ITPK1: variants seen among roughly 807,000 people sequenced by gnomAD.
ITPK1 encodes the protein inositol-tetrakisphosphate 1-kinase.
A neutral mutation model predicts 45.3 loss-of-function variants in ITPK1; 21 were observed. The ratio of observed to expected loss-of-function variants is 0.46; its 90% CI spans 0.33 to 0.67. The LOEUF is 0.67. ITPK1 is among the 30% of genes least tolerant of loss of function. The pLI is 0.02. For synonymous variants in ITPK1, 258 were observed against 253.6 expected (o/e 1.02, Z -0.16); for missense variants, 474 against 573.5 (o/e 0.83, Z 1.77).
At chr14:93,001,380 G>C (rs908098731) in intron 4 of ITPK1, among the ~76,000 whole-genome samples, 7 of 152,250 alleles carry the variant, frequency 4.6e-5, no homozygotes, top group Middle Eastern at 3.4e-3. Flanking sequence ...TTGCTTCTCG[G>C]GACTCCAGCT....
rs549285840 is a variant in ITPK1, at chr14:92,972,817, C to T, written c.365-9968G>A. The stretch of plus-strand genomic sequence containing the variant: ...TGTTGGCCAGGCTGGTCTTGAACTC[C>T]GGACCTCAAGTGATCTGCCCGCCTC... On this transcript the variant is annotated intron_variant, in intron 5 of 10. Coordinates refer to ENST00000267615, the MANE Select transcript of ITPK1 (RefSeq NM_014216.6). Among the ~76,000 whole-genome samples, 12 of 152,304 alleles carry T rather than the reference C, an allele frequency of 7.9e-5. No homozygotes were observed. The East Asian group carries it at 1.2e-3, about 15-fold the overall frequency.
chr14:93,104,581 C>G (rs1892449495), intron 2 of ITPK1, among the ~76,000 whole-genome samples: 1 of 152,184 alleles, frequency 6.6e-6, no homozygotes, highest in African/African-American at 2.4e-5. Context: ...AGGAGTCACC[C>G]ATCCCTGAGG....
rs1465760319 is a variant in ITPK1, at chr14:93,018,830, G to T, written c.121-2029C>A. On this transcript the variant is annotated intron_variant, in intron 3 of 10. Coordinates refer to ENST00000267615, the MANE Select transcript of ITPK1 (RefSeq NM_014216.6). ...CCAGGAAGGAAAATGACCAAGCAAG[G>T]CCATGCAGGTGAAGCGGCCAGGATG... 3.9e-5 allele frequency among the ~76,000 whole-genome samples: 6 copies of T among 152,198 alleles called. No individual in the cohort carries two copies. In the East Asian group the frequency reaches 1.2e-3, roughly 29 times the overall value.
chr14:93,022,426 G>A (rs1888515809), intron 3 of ITPK1, among the ~76,000 whole-genome samples: 1 of 152,040 alleles, frequency 6.6e-6, no homozygotes, highest in Non-Finnish European at 1.5e-5. Context: ...GGGCACACTT[G>A]TAATCCCAGC....
intron 3 of ITPK1, among the ~76,000 whole-genome samples, chr14:93,053,251 C>G (rs1452835047): frequency 6.6e-6 from 1 of 152,236 alleles, no homozygotes; most frequent in East Asian, 1.9e-4. Context: ...TCAGCCCCCT[C>G]AGACCTACTG....
rs529464235 is a variant in ITPK1, at chr14:93,034,506, G to C, written c.121-17705C>G. Among the ~76,000 whole-genome samples the C allele has an allele frequency of 1.6e-3, 245 of 152,260 alleles. 1 individual carries two copies. Among genetic ancestry groups the C allele is most frequent in the African/African-American group, 5.7e-3 (237 of 41,548 alleles). On this transcript the variant is annotated intron_variant, in intron 3 of 10. Transcript: ENST00000267615. This position sits in a 1 kb window ranked among gnomAD's most constrained non-coding sequence, Gnocchi z 4.1. The stretch of plus-strand genomic sequence containing the variant: ...CTCTCCAAGAATAGAATGGGGAGGC[G>C]GGCTCCACCACAGCTGGCCCCCACT...
At chr14:93,082,661 C>T (rs1380798169) in intron 2 of ITPK1, among the ~76,000 whole-genome samples, 1 of 152,236 alleles carries the variant, frequency 6.6e-6, no homozygotes, top group Admixed American at 6.5e-5. Context: ...GCGGCACGCC[C>T]ACTCCAGGGG....
In ITPK1 at chr14:92,972,293, A is replaced by G. The variant is rs571329677; in HGVS notation, c.365-9444T>C. Among the ~76,000 whole-genome samples, 3 of 152,302 alleles carry G rather than the reference A, an allele frequency of 2.0e-5. No individual in the cohort carries two copies. The South Asian group carries it at 6.2e-4, about 32-fold the overall frequency. The stretch of plus-strand genomic sequence containing the variant: ...TGAGAACGGGACTGCACTGGGAGAT[A>G]GGGTCTTTAAAGAGGTAAAATGAAG... On this transcript the variant is annotated intron_variant, in intron 5 of 10. Transcript: ENST00000267615.
At chr14:92,968,320 ACT>A (rs1287054196) in intron 5 of ITPK1, among the ~76,000 whole-genome samples, 1 of 151,868 alleles carries the variant, frequency 6.6e-6, no homozygotes, top group Non-Finnish European at 1.5e-5. Flanking sequence ...ACAGAGCGAG[ACT>A]CTGTCTCAAA....
At chr14:93,083,406 T>C (rs1196472326) in intron 2 of ITPK1, among the ~76,000 whole-genome samples, 1 of 151,802 alleles carries the variant, frequency 6.6e-6, no homozygotes, top group Non-Finnish European at 1.5e-5. Context: ...CAGGGCAGGG[T>C]GGGGACCTGA....
chr14:93,027,798 T>C (rs1888816007), intron 3 of ITPK1, among the ~76,000 whole-genome samples: 2 of 152,108 alleles, frequency 1.3e-5, no homozygotes, highest in Non-Finnish European at 2.9e-5. Flanking sequence ...ACAACCTCAG[T>C]CTCACCCAGG....
rs530693605 is a variant in ITPK1, at chr14:92,990,361, G to A, written c.364+3519C>T. ...GCCATCACCCAGGACCAGATGGGCA[G>A]ACCACAGAAGAATAAGGAGCTAGAA... On this transcript the variant is annotated intron_variant, in intron 5 of 10. Transcript: ENST00000267615. Among the ~76,000 whole-genome samples the A allele has an allele frequency of 2.0e-5, 3 of 150,442 alleles. No individual in the cohort carries two copies. The Admixed American group carries it at 2.0e-4, about 10-fold the overall frequency.
intron 3 of ITPK1, among the ~76,000 whole-genome samples, chr14:93,042,107 G>A (rs1285724501): frequency 3.3e-5 from 5 of 152,170 alleles, no homozygotes; most frequent in Non-Finnish European, 7.4e-5. Flanking sequence ...ACCCACTGCA[G>A]GAGGTACAAA....
intron 5 of ITPK1, among the ~76,000 whole-genome samples, chr14:92,969,129 A>G (rs991254761): frequency 1.3e-5 from 2 of 152,114 alleles, no homozygotes; most frequent in African/African-American, 4.8e-5. Context: ...TGTTCCAATA[A>G]CCATTCACCA....
rs1031450937 is a variant in ITPK1, at chr14:93,032,510, A to C, written c.121-15709T>G. On this transcript the variant is annotated intron_variant, in intron 3 of 10. Coordinates refer to ENST00000267615, the MANE Select transcript of ITPK1 (RefSeq NM_014216.6). This position sits in a 1 kb window ranked among gnomAD's most constrained non-coding sequence, Gnocchi z 4.0. ...ACTTCTCAGATACTTTAATATGTTC[A>C]CTTGCACAGAGATTTGCAGAGAGGA... 6.6e-6 allele frequency among the ~76,000 whole-genome samples: 1 copy of C among 152,214 alleles called. No individual in the cohort carries two copies. The highest frequency in any genetic ancestry group is 1.5e-5 in the Non-Finnish European group (1 of 68,034).
In ITPK1 at chr14:92,938,573, T is replaced by C. The variant is rs1465121482; in HGVS notation, c.*2988A>G. 2.7e-6 allele frequency: 4 copies of C among 1,501,180 alleles called. No homozygotes were observed. The Admixed American group carries it at 5.1e-5, about 19-fold the overall frequency. The allele number at this position is 1,501,180 out of a possible 1,614,324, so 93.0% of individuals were successfully genotyped here. On this transcript the variant is annotated 3_prime_UTR_variant, in exon 11 of 11. Coordinates refer to ENST00000267615, the MANE Select transcript of ITPK1 (RefSeq NM_014216.6). ...TTTCCCAGGTTGCTTTCTCCTTTATTGACAGGCATGAGACACAGGCAGGCC... is the reference window on the plus strand; with the variant it reads ...TTTCCCAGGTTGCTTTCTCCTTTATCGACAGGCATGAGACACAGGCAGGCC...
intron 5 of ITPK1, among the ~76,000 whole-genome samples, chr14:92,968,946 G>C (rs747920753): frequency 6.6e-6 from 1 of 152,170 alleles, no homozygotes; most frequent in Non-Finnish European, 1.5e-5. Context: ...CACATGCTGG[G>C]AAGGACCCCA....
rs147810024 is a variant in ITPK1 at position 93,103,994 on chromosome 14, C to T, written c.95+11075G>A. On this transcript the variant is annotated intron_variant, in intron 2 of 10. Transcript: ENST00000267615. Reference sequence around the variant, plus strand: ...CAGAGGCCCCAGGCCCTGCCTTGGGCGGGTAGGAGGGCAGGTGAGGTGGCC... The same window carrying T: ...CAGAGGCCCCAGGCCCTGCCTTGGGTGGGTAGGAGGGCAGGTGAGGTGGCC... Among the ~76,000 whole-genome samples, 401 of 152,260 alleles carry T rather than the reference C, an allele frequency of 2.6e-3. 2 individuals carry two copies. The highest frequency in any genetic ancestry group is 9.2e-3 in the African/African-American group (384 of 41,546).
intron 9 of ITPK1, among the ~76,000 whole-genome samples, chr14:92,949,116 C>T (rs1448570484): frequency 6.6e-6 from 1 of 150,620 alleles, no homozygotes; most frequent in Non-Finnish European, 1.5e-5. Flanking sequence ...TCTTTTGAGA[C>T]AGGGCCTTGC....
Sources: allele counts gnomAD v4.1 joint callset (sites outside exome capture counted in the v4.1 genomes callset), GRCh38; gene constraint gnomAD v4.1.1; non-coding constraint Gnocchi (gnomAD v3.1); transcripts MANE v1.5; gene names NCBI Gene and HGNC (gene_info 2026-07-23, HGNC 2026-07-21).